Variants in GCN1 observed in about 807,000 individuals in gnomAD.
The protein encoded by GCN1 is stalled ribosome sensor GCN1.
GCN1 carries 90 observed loss-of-function variants against 288.4 expected under a neutral mutation model. The observed-to-expected ratio is 0.31, with a 90% CI of 0.26 to 0.37. GCN1 has a LOEUF of 0.37. Among genes scored for constraint, GCN1 ranks in the 10% least tolerant of loss-of-function variants. The probability of loss-of-function intolerance (pLI) is 1.00; values close to 1 mark genes in which losing one functional copy is unlikely to be tolerated. For missense variants in GCN1, 2,586 were observed against 3,419.9 expected (o/e 0.76, Z 6.08); for synonymous variants, 1,386 against 1,420.2 (o/e 0.98, Z 0.54).
rs1877225421 is a variant in GCN1 at position 120,142,388 on chromosome 12, A to G, written c.5829+119T>C. 2.3e-5 allele frequency: 16 copies of G among 688,292 alleles called. No individual in the cohort carries two copies. Among genetic ancestry groups the G allele is most frequent in the Non-Finnish European group, 2.6e-5 (10 of 383,490 alleles). 42.6% of individuals were successfully genotyped at this position (688,292 alleles called of 1,614,324 possible). A position where few individuals can be genotyped will look rare whatever the true frequency, so the allele number is the denominator to read the frequency against. The stretch of plus-strand genomic sequence containing the variant: ...TGCAGAATGACTAAGTAAAGAACAC[A>G]ATGTCCCTCTGTTAGGCAGGGTGGA... On this transcript the variant is annotated intron_variant, in intron 44 of 57. Coordinates refer to ENST00000300648, the MANE Select transcript of GCN1 (RefSeq NM_006836.2). This position sits in a 1 kb window ranked among gnomAD's most constrained non-coding sequence, Gnocchi z 4.9.
At chr12:120,170,700 G>C (rs1351928710) in intron 14 of GCN1, among the ~76,000 whole-genome samples, 1 of 152,022 alleles carries the variant, frequency 6.6e-6, no homozygotes, top group Non-Finnish European at 1.5e-5. Context: ...TGGATAAGCA[G>C]AGACATTAGG....
chr12:120,186,010 C>A (rs987188057), intron 2 of GCN1, among the ~76,000 whole-genome samples: 6 of 152,104 alleles, frequency 3.9e-5, no homozygotes, highest in Admixed American at 6.5e-5. Flanking sequence ...TAACTCTGGG[C>A]AGAAAGAGTT....
chr12:120,193,595 C>T (rs116832340), intron 1 of GCN1, among the ~76,000 whole-genome samples: 3,608 of 152,254 alleles, frequency 0.024, 147 homozygotes, highest in African/African-American at 0.081. Context: ...TGAGCCACCA[C>T]GCCCAGCCAA....
intron 1 of GCN1, 151 bp downstream of exon 1, chr12:120,194,529 T>C: frequency 2.6e-6 from 2 of 774,576 alleles, no homozygotes; most frequent in Non-Finnish European, 3.9e-6. Flanking sequence ...CCCGCAGCCC[T>C]GAGAGTCCAG....
chr12:120,127,659 G>T lies in GCN1; in HGVS notation c.*190C>A. ...TTCCTTCTCTTCTCCACAGGAAAAG[G>T]TGAGAGATGGAGGAGGCAATTTTCA... is the stretch of plus-strand genomic sequence containing the variant. On this transcript the variant is annotated 3_prime_UTR_variant, in exon 58 of 58. Transcript: ENST00000300648. 1 of 652,748 alleles carries T rather than the reference G, an allele frequency of 1.5e-6. No homozygotes were observed. The allele number at this position is 652,748 out of a possible 1,614,324, so 40.4% of individuals were successfully genotyped here.
At position 120,145,233 on chromosome 12, in the gene GCN1, G is replaced by A. The variant is rs1877327280; in HGVS notation, c.5016+29C>T. The A allele has an allele frequency of 3.2e-6, 5 of 1,573,230 alleles. No individual in the cohort carries two copies. In the African/African-American group the frequency reaches 5.4e-5, roughly 17 times the overall value. On this transcript the variant is annotated intron_variant, in intron 39 of 57. Coordinates refer to ENST00000300648, the MANE Select transcript of GCN1 (RefSeq NM_006836.2). ...TTATGGGGACTGGATGAGGGGCCTG[G>A]CCCATCCCCCAGCCTACCTCAGACT... is the stretch of plus-strand genomic sequence containing the variant.
chr12:120,164,846 C>T, intron 16 of GCN1, 125 bp from the exon 17 acceptor site: 1 of 551,694 alleles, frequency 1.8e-6, no homozygotes, highest in East Asian at 3.2e-5. Flanking sequence ...GATTATCACT[C>T]GAAGTGAAAT....
Position 120,137,377 on chromosome 12 carries a change from A to G in GCN1, c.6664-58T>C, listed in dbSNP as rs1286167332. The G allele has an allele frequency of 6.7e-7, 1 of 1,489,040 alleles. No individual in the cohort carries two copies. The highest frequency in any genetic ancestry group is 1.7e-5 in the Admixed American group (1 of 59,686). 92.2% of individuals were successfully genotyped at this position (1,489,040 alleles called of 1,614,324 possible). A position where few individuals can be genotyped will look rare whatever the true frequency, so the allele number is the denominator to read the frequency against. ...ACAGCCCTCTCAAGACTGCTTCCAA[A>G]GAATATATGGGGAAAGCGTGGGCGG... On this transcript the variant is annotated intron_variant, in intron 49 of 57. Coordinates refer to ENST00000300648, the MANE Select transcript of GCN1 (RefSeq NM_006836.2). The surrounding 1 kb of genome is among the most constrained non-coding windows in gnomAD (Gnocchi z 5.2).
chr12:120,189,351 G>A (rs796075078), intron 2 of GCN1, among the ~76,000 whole-genome samples: 1 of 150,934 alleles, frequency 6.6e-6, no homozygotes, highest in African/African-American at 2.4e-5. Context: ...GATTACAGGC[G>A]TGAGCCACCA....
Position 120,153,139 on chromosome 12 carries a change from T to C in GCN1, c.4062+74A>G, listed in dbSNP as rs1434493051. On this transcript the variant is annotated intron_variant, in intron 33 of 57. Coordinates refer to ENST00000300648, the MANE Select transcript of GCN1 (RefSeq NM_006836.2). This position sits in a 1 kb window ranked among gnomAD's most constrained non-coding sequence, Gnocchi z 4.4. ...CCTGATTGTCCAACTCCACCCCTAG[T>C]ATCCCACCGCCTAACCACAGCCGGG... 4 of 1,296,840 alleles carry C rather than the reference T, an allele frequency of 3.1e-6. No individual in the cohort carries two copies. Among genetic ancestry groups the C allele is most frequent in the Non-Finnish European group, 3.3e-6 (3 of 913,936 alleles). The allele number at this position is 1,296,840 out of a possible 1,614,324, so 80.3% of individuals were successfully genotyped here.
intron 55 of GCN1, 31 bp from the exon 56 acceptor site, chr12:120,130,784 GC>G: frequency 2.1e-6 from 3 of 1,422,260 alleles, no homozygotes; most frequent in Non-Finnish European, 2.0e-6. Flanking sequence ...TAGACGGGAG[GC>G]CCCCCACCCC....
At chr12:120,164,814 A>T in intron 16 of GCN1, 93 bp from the exon 17 acceptor site, 1 of 767,534 alleles carries the variant, frequency 1.3e-6, no homozygotes, top group Non-Finnish European at 2.2e-6. Context: ...TGAACTGAAA[A>T]TTAACACCAA....
intron 51 of GCN1, among the ~76,000 whole-genome samples, chr12:120,135,513 G>A (rs1431483802): frequency 3.3e-5 from 5 of 151,924 alleles, no homozygotes; most frequent in South Asian, 2.1e-4. Context: ...ACAGGCACCC[G>A]CCACAATGCC....
chr12:120,129,664 T>C (rs1233371813), intron 56 of GCN1, among the ~76,000 whole-genome samples, 170 bp from the exon 57 acceptor site: 1 of 152,138 alleles, frequency 6.6e-6, no homozygotes, highest in East Asian at 1.9e-4. Context: ...CCTCATCTCA[T>C]GCCACTCTCC....
intron 34 of GCN1, among the ~76,000 whole-genome samples, 173 bp downstream of exon 34, chr12:120,150,972 A>T (rs188057213): frequency 6.6e-6 from 1 of 152,106 alleles, no homozygotes; most frequent in East Asian, 1.9e-4. Context: ...AAAATTTGCA[A>T]GTCCAAGGAA....
Position 120,144,332 on chromosome 12 carries a change from G to T in GCN1, c.5469C>A (p.Gly1823=). 6.2e-7 allele frequency: 1 copy of T among 1,614,210 alleles called. No individual in the cohort carries two copies. The highest frequency in any genetic ancestry group is 8.5e-7 in the Non-Finnish European group (1 of 1,180,018). ...IALLLPQLEQ[G]LFDDLWRIRF... ...TGATTCTCCAAAGGTCATCAAAGAGGCCTTGCTCTAGCTGGGGCAGCAGCA... is the reference window on the plus strand; with the variant it reads ...TGATTCTCCAAAGGTCATCAAAGAGTCCTTGCTCTAGCTGGGGCAGCAGCA... Residue 1823 remains glycine (G), a synonymous_variant, in exon 42 of 58, where the codon GGC becomes GGA. Coordinates refer to ENST00000300648, the MANE Select transcript of GCN1 (RefSeq NM_006836.2). The surrounding 1 kb of genome is among the most constrained non-coding windows in gnomAD (Gnocchi z 4.7).
At chr12:120,182,398 G>A (rs1878694566) in intron 5 of GCN1, among the ~76,000 whole-genome samples, 1 of 152,122 alleles carries the variant, frequency 6.6e-6, no homozygotes, top group African/African-American at 2.4e-5. Flanking sequence ...AGCTCCCAGG[G>A]ATGCAGCCCT....
At chr12:120,180,007 T>TA (rs1333918154) in intron 5 of GCN1, among the ~76,000 whole-genome samples, 5 of 152,060 alleles carry the variant, frequency 3.3e-5, no homozygotes, top group South Asian at 2.1e-4. Context: ...GGTCCTTGAC[T>TA]AAAAAAATCT....
intron 37 of GCN1, among the ~76,000 whole-genome samples, chr12:120,147,576 C>T (rs747856660): frequency 6.6e-6 from 1 of 152,190 alleles, no homozygotes; most frequent in Admixed American, 6.5e-5. Context: ...GTTTGCCTAT[C>T]GGTAATGGAG....
Sources: gnomAD v4.1 joint callset for allele counts (sites outside exome capture counted in the v4.1 genomes callset) on GRCh38, gnomAD v4.1.1 for gene constraint, Gnocchi (gnomAD v3.1) non-coding constraint, MANE v1.5 for transcripts, NCBI Gene and HGNC (gene_info 2026-07-23, HGNC 2026-07-21) for gene names.